MEGF9: variants seen among roughly 807,000 people sequenced by gnomAD.
MEGF9 encodes the protein multiple EGF like domains 9, also known as multiple epidermal growth factor-like domains protein 9.
MEGF9 carries 6 observed loss-of-function variants against 46.8 expected under a neutral mutation model. The observed-to-expected ratio is 0.13, with a 90% CI of 0.07 to 0.25. The LOEUF (loss-of-function observed/expected upper bound fraction) is 0.25, where lower values mean the gene tolerates loss of function less well. MEGF9 is among the 10% of genes least tolerant of loss of function. The pLI, the probability that MEGF9 is intolerant of heterozygous loss-of-function variation, is 1.00. For missense variants in MEGF9, 683 were observed against 792.4 expected, an observed-to-expected ratio of 0.86 and a Z score of 1.66; for synonymous variants, 302 against 330.7, an observed-to-expected ratio of 0.91 and a Z score of 0.94.
At chr9:120,606,484 C>CA (rs2043420918) in intron 5 of MEGF9, among the ~76,000 whole-genome samples, 1 of 152,188 alleles carries the variant, frequency 6.6e-6, no homozygotes, top group African/African-American at 2.4e-5. Context: ...AGAGAGAAAA[C>CA]AGCTTTCCTT....
chr9:120,623,915 A>G (rs115997242), intron 2 of MEGF9, among the ~76,000 whole-genome samples: 226 of 152,320 alleles, frequency 1.5e-3, no homozygotes, highest in African/African-American at 5.3e-3. Flanking sequence ...CATTCCTCTA[A>G]ATATGTTATT....
rs114714212 is a variant in MEGF9 at position 120,666,858 on chromosome 9, A to G, written c.602-7283T>C. 3.5e-3 allele frequency among the ~76,000 whole-genome samples: 526 copies of G among 152,312 alleles called. 6 individuals are homozygous for G. Among genetic ancestry groups the G allele is most frequent in the African/African-American group, 0.012 (504 of 41,574 alleles). On this transcript the variant is annotated intron_variant, in intron 1 of 5. Transcript: ENST00000373930. ...ACATCCAAGAACATGGATGAATCTT[A>G]AATGCATTATGCTAAATGAAAGGAG...
At chr9:120,688,596 G>C (rs2043834813) in intron 1 of MEGF9, among the ~76,000 whole-genome samples, 1 of 152,142 alleles carries the variant, frequency 6.6e-6, no homozygotes. Flanking sequence ...ACTTAAATAG[G>C]TTAAGTATTT....
Position 120,634,093 on chromosome 9 carries a change from G to A in MEGF9, c.804-11338C>T, listed in dbSNP as rs115886664. ...TGGATTAAATGTTCTGTCAACGTCT[G>A]TTAGGTCCATTTGGTCTCAAGTGCA... On this transcript the variant is annotated intron_variant, in intron 2 of 5. Transcript: ENST00000373930. Among the ~76,000 whole-genome samples, 1,172 of 152,286 alleles carry A rather than the reference G, an allele frequency of 7.7e-3. 20 individuals are homozygous for A. Among genetic ancestry groups the A allele is most frequent in the African/African-American group, 0.027 (1,113 of 41,558 alleles).
intron 1 of MEGF9, 101 bp from the exon 2 acceptor site, chr9:120,659,676 C>A (rs2043693377): frequency 1.0e-6 from 1 of 983,234 alleles, no homozygotes; most frequent in African/African-American, 1.7e-5. Flanking sequence ...TTCATGACAA[C>A]TTTGTAAGGA....
rs7020722 is a variant in MEGF9, at chr9:120,620,626, G to A, written c.943+1990C>T. ...TCTAATGAAGTGGCCTTTAATTGAC[G>A]ACTCGAGGGAAGAATGTGATTTAAT... On this transcript the variant is annotated intron_variant, in intron 3 of 5. Coordinates refer to ENST00000373930, the MANE Select transcript of MEGF9 (RefSeq NM_001080497.3). 2.4e-3 allele frequency among the ~76,000 whole-genome samples: 369 copies of A among 152,232 alleles called. 3 individuals carry two copies. Among genetic ancestry groups the A allele is most frequent in the African/African-American group, 8.5e-3 (355 of 41,556 alleles).
In MEGF9 at chr9:120,647,042, G is replaced by A. The variant is rs1157514735; in HGVS notation, c.803+12332C>T. 2.0e-5 allele frequency among the ~76,000 whole-genome samples: 3 copies of A among 152,046 alleles called. No individual in the cohort carries two copies. In the South Asian group the frequency reaches 6.2e-4, roughly 31 times the overall value. ...TTAATAAAATGAAATAAGTAGAGGA[G>A]TCTGCAACATGGTTTAGGGACGGTA... On this transcript the variant is annotated intron_variant, in intron 2 of 5. Coordinates refer to ENST00000373930, the MANE Select transcript of MEGF9 (RefSeq NM_001080497.3).
rs1246809184 is a variant in MEGF9 at position 120,713,865 on chromosome 9, G to A, written c.494C>T (p.Pro165Leu). ...APTTPVATTV[P>L]APTTPRTPTP... is the part of the protein sequence containing the mutation. ...CGGGGTCCGGGGAGTCGTGGGCGCC[G>A]GTACGGTGGTCGCTACAGGGGTGGT... Residue 165 changes from proline to leucine, a missense_variant, in exon 1 of 6, where the codon CCG becomes CTG. By Grantham distance (98) the Pro-to-Leu change is moderately conservative. Around this residue, in one of 2 missense-constraint regions of MEGF9, gnomAD observed 370 missense variants for 371.3 expected, o/e 1.00. Transcript: ENST00000373930. The A allele has an allele frequency of 8.4e-6, 11 of 1,302,878 alleles. No individual in the cohort carries two copies. Among genetic ancestry groups the A allele is most frequent in the Middle Eastern group, 2.3e-4 (1 of 4,398 alleles). 80.7% of individuals were successfully genotyped at this position (1,302,878 alleles called of 1,614,324 possible).
At chr9:120,648,062 A>G (rs1010631499) in intron 2 of MEGF9, among the ~76,000 whole-genome samples, 3 of 152,080 alleles carry the variant, frequency 2.0e-5, no homozygotes, top group African/African-American at 7.2e-5. Flanking sequence ...CAGGCCTTTA[A>G]GTTCTCTTGC....
At chr9:120,652,340 G>T (rs2043656234) in intron 2 of MEGF9, among the ~76,000 whole-genome samples, 1 of 151,410 alleles carries the variant, frequency 6.6e-6, no homozygotes, top group Admixed American at 6.6e-5. Context: ...AGGCAGGCGT[G>T]GTGGTGCATG....
intron 1 of MEGF9, among the ~76,000 whole-genome samples, chr9:120,697,903 G>C (rs574188302): frequency 2.6e-5 from 4 of 152,236 alleles, no homozygotes; most frequent in African/African-American, 9.6e-5. Context: ...AATGTGCTCT[G>C]TAACTACTAA....
intron 1 of MEGF9, among the ~76,000 whole-genome samples, chr9:120,679,932 C>T (rs1262221445): frequency 2.5e-4 from 25 of 101,476 alleles, no homozygotes; most frequent in Admixed American, 1.1e-3. Flanking sequence ...AGTGAGACTC[C>T]GTCTCAAAAA....
At position 120,688,608 on chromosome 9, in the gene MEGF9, G is replaced by A. The variant is rs547325572; in HGVS notation, c.601+25150C>T. 2.0e-5 allele frequency among the ~76,000 whole-genome samples: 3 copies of A among 152,262 alleles called. No homozygotes were observed. In the South Asian group the frequency reaches 6.2e-4, roughly 32 times the overall value. ...GTTACTTAAATAGGTTAAGTATTTA[G>A]TATGTTAGAAGGTAGTTAAATCCTA... On this transcript the variant is annotated intron_variant, in intron 1 of 5. Transcript: ENST00000373930.
chr9:120,684,754 G>A (rs1441037220), intron 1 of MEGF9, among the ~76,000 whole-genome samples: 1 of 151,990 alleles, frequency 6.6e-6, no homozygotes, highest in Non-Finnish European at 1.5e-5. Flanking sequence ...ACACATATAC[G>A]CCATGTATAC....
intron 2 of MEGF9, among the ~76,000 whole-genome samples, chr9:120,648,755 G>C (rs896346996): frequency 3.9e-5 from 6 of 152,156 alleles, no homozygotes; most frequent in African/African-American, 1.4e-4. Context: ...TAGTAAATAA[G>C]AGTTTGCAAA....
At chr9:120,700,961 T>A (rs930055060) in intron 1 of MEGF9, among the ~76,000 whole-genome samples, 3 of 150,174 alleles carry the variant, frequency 2.0e-5, no homozygotes, top group African/African-American at 7.3e-5. Context: ...AAAATTAGTT[T>A]AAAAAAAATT....
At chr9:120,656,460 T>C (rs766782974) in intron 2 of MEGF9, among the ~76,000 whole-genome samples, 66 of 139,658 alleles carry the variant, frequency 4.7e-4, no homozygotes, top group Non-Finnish European at 9.0e-4. Context: ...GGCAGGAGAA[T>C]GGCGTGAACC....
intron 1 of MEGF9, among the ~76,000 whole-genome samples, chr9:120,664,477 C>T (rs919247806): frequency 5.3e-5 from 8 of 152,178 alleles, no homozygotes; most frequent in African/African-American, 1.4e-4. Flanking sequence ...GAAAAATTTG[C>T]GTAACAAAAT....
intron 5 of MEGF9, among the ~76,000 whole-genome samples, chr9:120,606,032 C>T (rs1166046729): frequency 6.6e-6 from 1 of 151,898 alleles, no homozygotes; most frequent in Admixed American, 6.6e-5. Flanking sequence ...ATTAGCTGGG[C>T]GTGGTGGCGG....
Sources: gnomAD v4.1 joint callset for allele counts (sites outside exome capture counted in the v4.1 genomes callset) on GRCh38, gnomAD v4.1.1 for gene constraint, gnomAD v4.1.1 regional missense constraint, MANE v1.5 for transcripts, NCBI Gene and HGNC (gene_info 2026-07-23, HGNC 2026-07-21) for gene names.